Variants in ZFP14 observed in about 807,000 individuals in gnomAD.
The protein encoded by ZFP14 is ZFP14 zinc finger protein.
In ZFP14, 22 loss-of-function variants were observed where a neutral mutation model predicts 54.5. That is an observed-to-expected ratio of 0.40 (90% CI 0.29 to 0.58). The LOEUF (loss-of-function observed/expected upper bound fraction) is 0.58, where lower values mean the gene tolerates loss of function less well. Among genes scored for constraint, ZFP14 ranks in the 20% least tolerant of loss-of-function variants. The probability of loss-of-function intolerance (pLI) is 0.39; values close to 1 mark genes in which losing one functional copy is unlikely to be tolerated. For missense variants in ZFP14, 470 were observed against 637.8 expected, an observed-to-expected ratio of 0.74 and a Z score of 2.83; for synonymous variants, 159 against 204.0, an observed-to-expected ratio of 0.78 and a Z score of 1.88.
rs190814627 is a variant in ZFP14, at chr19:36,374,059, A to G, written c.-80+5104T>C. 7.2e-5 allele frequency among the ~76,000 whole-genome samples: 11 copies of G among 152,358 alleles called. No homozygotes were observed. The East Asian group carries it at 2.1e-3, about 29-fold the overall frequency. ...AGACCTAAAAGACTGATGATGCCCTATAGTAGCAAGGTTGTGGGGACACCG... is the reference window on the plus strand; with the variant it reads ...AGACCTAAAAGACTGATGATGCCCTGTAGTAGCAAGGTTGTGGGGACACCG... On this transcript the variant is annotated intron_variant, in intron 1 of 4. Coordinates refer to ENST00000270001, the MANE Select transcript of ZFP14 (RefSeq NM_020917.3).
chr19:36,357,188 G>A (rs2031628256), intron 4 of ZFP14, among the ~76,000 whole-genome samples: 1 of 152,034 alleles, frequency 6.6e-6, no homozygotes. Context: ...GATTACAGGC[G>A]CATGCCAAGA....
Position 36,340,950 on chromosome 19 carries a change from G to T in ZFP14, c.876C>A (p.Thr292=). 2 of 1,613,020 alleles carry T rather than the reference G, an allele frequency of 1.2e-6. No homozygotes were observed. The highest frequency in any genetic ancestry group is 1.7e-6 in the Non-Finnish European group (2 of 1,179,728). Residue 292 remains threonine, a synonymous_variant, in exon 5 of 5, where the codon ACC becomes ACA. Coordinates refer to ENST00000270001, the MANE Select transcript of ZFP14 (RefSeq NM_020917.3). The surrounding 1 kb of genome is among the most constrained non-coding windows in gnomAD (Gnocchi z 5.4). Reference sequence around the variant, plus strand: ...GTGTAAGGTGTGTACACTGTCTAAAGGTCTTTCCACAGTCCTTACATTCAT... The same window carrying T: ...GTGTAAGGTGTGTACACTGTCTAAATGTCTTTCCACAGTCCTTACATTCAT... ...KPYECKDCGK[T]FRQCTHLTRH... is the part of the protein sequence containing the mutation.
chr19:36,370,444 T>G (rs2031862013), intron 1 of ZFP14, among the ~76,000 whole-genome samples: 1 of 152,236 alleles, frequency 6.6e-6, no homozygotes, highest in Non-Finnish European at 1.5e-5. Context: ...AGCCCAGGCT[T>G]CAGGCTTGCA....
At chr19:36,363,477 G>A (rs1322848186) in intron 2 of ZFP14, among the ~76,000 whole-genome samples, 1 of 151,706 alleles carries the variant, frequency 6.6e-6, no homozygotes, top group African/African-American at 2.4e-5. Flanking sequence ...TTACAGGCGT[G>A]AGCCACCGCG....
chr19:36,373,226 G>A (rs1369524049), intron 1 of ZFP14, among the ~76,000 whole-genome samples: 3 of 151,340 alleles, frequency 2.0e-5, no homozygotes, highest in South Asian at 4.2e-4. Context: ...GTGGTGAGCC[G>A]AGATGGCGTC....
chr19:36,340,152 T>A lies in ZFP14; in HGVS notation c.*72A>T. The A allele has an allele frequency of 1.4e-6, 2 of 1,415,494 alleles. No individual in the cohort carries two copies. Among genetic ancestry groups the A allele is most frequent in the Non-Finnish European group, 1.9e-6 (2 of 1,064,332 alleles). The allele number at this position is 1,415,494 out of a possible 1,614,324, so 87.7% of individuals were successfully genotyped here. On this transcript the variant is annotated 3_prime_UTR_variant, in exon 5 of 5. Coordinates refer to ENST00000270001, the MANE Select transcript of ZFP14 (RefSeq NM_020917.3). The surrounding 1 kb of genome is among the most constrained non-coding windows in gnomAD (Gnocchi z 5.4). Reference sequence around the variant, plus strand: ...AATTTATTATGCTTGGAATTGAGCATGAAACACATTTTCTCAAAAATGAAT... The same window carrying A: ...AATTTATTATGCTTGGAATTGAGCAAGAAACACATTTTCTCAAAAATGAAT...
rs1477862464 is a variant in ZFP14 at position 36,337,930 on chromosome 19, A to G, written c.*2294T>C. 1.3e-5 allele frequency: 2 copies of G among 152,210 alleles called. No homozygotes were observed. Among genetic ancestry groups the G allele is most frequent in the East Asian group, 3.8e-4 (2 of 5,204 alleles). The allele number at this position is 152,210 out of a possible 1,614,324, so 9.4% of individuals were successfully genotyped here. On this transcript the variant is annotated 3_prime_UTR_variant, in exon 5 of 5. Coordinates refer to ENST00000270001, the MANE Select transcript of ZFP14 (RefSeq NM_020917.3). ...CCATTATTCCATTAAGGTCTAGAAA[A>G]TGGTGATTTTTCTAATCCTCTAATT...
At chr19:36,379,024 G>C (rs1203499567) in intron 1 of ZFP14, 139 bp downstream of exon 1, 1 of 152,416 alleles carries the variant, frequency 6.6e-6, no homozygotes, top group Non-Finnish European at 1.5e-5. Flanking sequence ...GAAGCGAGAA[G>C]GCAGAGGACG....
At chr19:36,363,189 C>CTTTTTTTTTTTTTTT (rs772799449) in intron 2 of ZFP14, among the ~76,000 whole-genome samples, 6 of 97,750 alleles carry the variant, frequency 6.1e-5, no homozygotes, top group African/African-American at 1.2e-4. Flanking sequence ...CTTTTCTTTT[C>CTTTTTTTTTTTTTTT]TTTTTTTTTT....
intron 4 of ZFP14, among the ~76,000 whole-genome samples, chr19:36,346,717 A>G (rs533464326): frequency 6.6e-6 from 1 of 152,274 alleles, no homozygotes; most frequent in South Asian, 2.1e-4. Context: ...CAGCCTCCCA[A>G]AGTGCTGGGA....
intron 2 of ZFP14, among the ~76,000 whole-genome samples, chr19:36,363,060 CT>C (rs1322302310): frequency 6.6e-6 from 1 of 152,014 alleles, no homozygotes. Context: ...TGTGAATAAT[CT>C]TCTTGCTTGT....
In ZFP14 at chr19:36,353,948, G is replaced by A. The variant is rs544689666; in HGVS notation, c.235+6487C>T. Reference sequence around the variant, plus strand: ...AAATTTTCCAGCGGTGGTGGCATGCGCCTGTAGTCCCAGCTACTTGGGAGG... The same window carrying A: ...AAATTTTCCAGCGGTGGTGGCATGCACCTGTAGTCCCAGCTACTTGGGAGG... On this transcript the variant is annotated intron_variant, in intron 4 of 4. Transcript: ENST00000270001. 2.7e-3 allele frequency among the ~76,000 whole-genome samples: 365 copies of A among 136,646 alleles called. 41 individuals carry two copies. The highest frequency in any genetic ancestry group is 9.0e-3 in the African/African-American group (333 of 37,106). 89.6% of individuals were successfully genotyped at this position (136,646 alleles called of 152,430 possible).
At chr19:36,378,472 G>T (rs947722822) in intron 1 of ZFP14, 4 of 151,276 alleles carry the variant, frequency 2.6e-5, no homozygotes, top group African/African-American at 9.9e-5. Flanking sequence ...TCATTGTTCA[G>T]TCCGAGCTGA....
chr19:36,337,851 T>C lies in ZFP14; in HGVS notation c.*2373A>G, dbSNP rs2031234348. On this transcript the variant is annotated 3_prime_UTR_variant, in exon 5 of 5. Coordinates refer to ENST00000270001, the MANE Select transcript of ZFP14 (RefSeq NM_020917.3). ...TAGATCCACCATAAAAATCTCGCTATAAAATATTTCACCTATTAGTTGTAG... is the reference window on the plus strand; with the variant it reads ...TAGATCCACCATAAAAATCTCGCTACAAAATATTTCACCTATTAGTTGTAG... The C allele has an allele frequency of 6.6e-6, 1 of 152,212 alleles. No individual in the cohort carries two copies. The highest frequency in any genetic ancestry group is 2.1e-4 in the South Asian group (1 of 4,832). The allele number at this position is 152,212 out of a possible 1,614,324, so 9.4% of individuals were successfully genotyped here.
At chr19:36,360,221 T>C in intron 4 of ZFP14, 1 of 349,440 alleles carries the variant, frequency 2.9e-6, no homozygotes, top group Non-Finnish European at 5.1e-6. Flanking sequence ...ATATGAAAGA[T>C]GAGAAACAGT....
chr19:36,348,391 T>G lies in ZFP14; in HGVS notation c.236-6801A>C, dbSNP rs577984603. Among the ~76,000 whole-genome samples, 7 of 152,300 alleles carry G rather than the reference T, an allele frequency of 4.6e-5. No individual in the cohort carries two copies. The East Asian group carries it at 1.2e-3, about 25-fold the overall frequency. ...TGACCCCTTTAGGCTAAGTTGGCCT[T>G]CATGAGATCAGAATGCCCAGCACCT... On this transcript the variant is annotated intron_variant, in intron 4 of 4. Transcript: ENST00000270001.
At chr19:36,372,813 A>C (rs1222447034) in intron 1 of ZFP14, among the ~76,000 whole-genome samples, 1 of 152,262 alleles carries the variant, frequency 6.6e-6, no homozygotes, top group African/African-American at 2.4e-5. Flanking sequence ...ATGAATGGAC[A>C]AAGAAAATCT....
At position 36,340,420 on chromosome 19, in the gene ZFP14, T is replaced by C. The variant is rs747447806; in HGVS notation, c.1406A>G (p.Gln469Arg). 1.2e-6 allele frequency: 2 copies of C among 1,613,872 alleles called. No individual in the cohort carries two copies. The highest frequency in any genetic ancestry group is 2.2e-5 in the South Asian group (2 of 91,058). Residue 469 changes from glutamine (Q) to arginine (R), a missense_variant, in exon 5 of 5, where the codon CAA becomes CGA. Transcript: ENST00000270001. This position sits in a 1 kb window ranked among gnomAD's most constrained non-coding sequence, Gnocchi z 5.4. ...CTCACCAGTGTGAATACTCTGATGTTGGGTAAGTTGTGAGAGCAGTCTAAA... is the reference window on the plus strand; with the variant it reads ...CTCACCAGTGTGAATACTCTGATGTCGGGTAAGTTGTGAGAGCAGTCTAAA... ...KPFRLLSQLT[Q>R]HQSIHTGEKP...
chr19:36,367,833 T>A, intron 2 of ZFP14, 51 bp downstream of exon 2: 1 of 1,588,788 alleles, frequency 6.3e-7, no homozygotes, highest in Non-Finnish European at 8.6e-7. Context: ...TCTATATACA[T>A]GATACAGAAA....
Sources: gnomAD v4.1 joint callset for allele counts (sites outside exome capture counted in the v4.1 genomes callset) on GRCh38, gnomAD v4.1.1 for gene constraint, Gnocchi (gnomAD v3.1) non-coding constraint, MANE v1.5 for transcripts, NCBI Gene and HGNC (gene_info 2026-07-23, HGNC 2026-07-21) for gene names.